UNC5C: variants seen among roughly 807,000 people sequenced by gnomAD.
UNC5C encodes unc-5 netrin receptor C, also known as netrin receptor UNC5C.
UNC5C carries 47 observed loss-of-function variants against 99.8 expected under a neutral mutation model. The ratio of observed to expected loss-of-function variants is 0.47; its 90% confidence interval spans 0.37 to 0.60. The LOEUF is 0.60. Among genes scored for constraint, UNC5C ranks in the 20% least tolerant of loss-of-function variants. The pLI, the probability that UNC5C is intolerant of heterozygous loss-of-function variation, is 0.00. For synonymous variants in UNC5C, 487 were observed against 452.2 expected, an observed-to-expected ratio of 1.08 and a Z score of -0.98; for missense variants, 1,062 against 1,165.9, an observed-to-expected ratio of 0.91 and a Z score of 1.30.
intron 14 of UNC5C, among the ~76,000 whole-genome samples, chr4:95,176,116 G>A (rs532653604): frequency 1.6e-3 from 237 of 150,808 alleles, no homozygotes; most frequent in African/African-American, 5.6e-3. Context: ...GCACTTCTCT[G>A]TATTGGTTAT....
intron 4 of UNC5C, among the ~76,000 whole-genome samples, chr4:95,269,636 C>T (rs766187064): frequency 6.6e-6 from 1 of 151,974 alleles, no homozygotes; most frequent in South Asian, 2.1e-4. Flanking sequence ...AGTTCTGGGT[C>T]TGAGATTCTA....
chr4:95,201,828 T>G (rs1457216440), intron 12 of UNC5C, among the ~76,000 whole-genome samples: 1 of 152,068 alleles, frequency 6.6e-6, no homozygotes, highest in Non-Finnish European at 1.5e-5. Context: ...ATGGTCTTGA[T>G]CTCCTGACCT....
chr4:95,180,165 TC>T (rs1194970921), intron 14 of UNC5C, among the ~76,000 whole-genome samples: 1 of 152,140 alleles, frequency 6.6e-6, no homozygotes, highest in African/African-American at 2.4e-5. Flanking sequence ...CCCATTTAAT[TC>T]CCACACTGGC....
intron 7 of UNC5C, among the ~76,000 whole-genome samples, chr4:95,240,483 A>T (rs1204103483): frequency 6.6e-6 from 1 of 152,188 alleles, no homozygotes; most frequent in Non-Finnish European, 1.5e-5. Flanking sequence ...AGGAGGGCAG[A>T]TGAAAGAGTT....
At position 95,169,101 on chromosome 4, in the gene UNC5C, T is replaced by A. The variant is rs566277690; in HGVS notation, c.*133A>T. 5.2e-6 allele frequency: 6 copies of A among 1,145,338 alleles called. No individual in the cohort carries two copies. The East Asian group carries it at 1.4e-4, about 27-fold the overall frequency. 70.9% of individuals were successfully genotyped at this position (1,145,338 alleles called of 1,614,324 possible). A position where few individuals can be genotyped will look rare whatever the true frequency, so the allele number is the denominator to read the frequency against. ...CATGGGCAGTTGTATCTGTTTTCCT[T>A]CTGGCTCCTGCTGCAGTCTTGCCTG... On this transcript the variant is annotated 3_prime_UTR_variant, in exon 16 of 16. Transcript: ENST00000453304.
chr4:95,395,173 G>A (rs930504044), intron 1 of UNC5C, among the ~76,000 whole-genome samples: 1 of 152,160 alleles, frequency 6.6e-6, no homozygotes, highest in Non-Finnish European at 1.5e-5. Context: ...GATAGTATTA[G>A]TTTGAGCTCC....
chr4:95,482,337 GT>G (rs1224699368), intron 1 of UNC5C, among the ~76,000 whole-genome samples: 1 of 151,906 alleles, frequency 6.6e-6, no homozygotes, highest in East Asian at 1.9e-4. Context: ...TAGAATGGCA[GT>G]CATTAAAAAG....
chr4:95,402,965 T>C (rs998283794), intron 1 of UNC5C, among the ~76,000 whole-genome samples: 1 of 152,228 alleles, frequency 6.6e-6, no homozygotes. Context: ...GAGATACTAT[T>C]TCTTTAAAAA....
chr4:95,210,372 A>G (rs1461974700), intron 10 of UNC5C, among the ~76,000 whole-genome samples: 1 of 152,222 alleles, frequency 6.6e-6, no homozygotes, highest in East Asian at 1.9e-4. Flanking sequence ...GAAATTGCAA[A>G]TATCTGAGCA....
At chr4:95,176,176 C>T (rs1235145907) in intron 14 of UNC5C, among the ~76,000 whole-genome samples, 1 of 151,932 alleles carries the variant, frequency 6.6e-6, no homozygotes, top group East Asian at 1.9e-4. Context: ...AACTTCTTTG[C>T]CTTTGGTTTG....
At chr4:95,537,154 C>T (rs1487959259) in intron 1 of UNC5C, among the ~76,000 whole-genome samples, 1 of 151,900 alleles carries the variant, frequency 6.6e-6, no homozygotes, top group Admixed American at 6.6e-5. Context: ...GAAATATGGA[C>T]TTAATTTTAA....
chr4:95,496,011 T>C (rs1721621718), intron 1 of UNC5C, among the ~76,000 whole-genome samples: 1 of 151,772 alleles, frequency 6.6e-6, no homozygotes, highest in African/African-American at 2.4e-5. Context: ...TTACATACGT[T>C]ATCCTATCTA....
chr4:95,480,118 T>G (rs1721089533), intron 1 of UNC5C, among the ~76,000 whole-genome samples: 1 of 151,520 alleles, frequency 6.6e-6, no homozygotes, highest in Non-Finnish European at 1.5e-5. Flanking sequence ...TTACTGGAAA[T>G]TTTGGGACTT....
chr4:95,363,740 C>T lies in UNC5C; in HGVS notation c.125-28109G>A, dbSNP rs532441572. Reference sequence around the variant, plus strand: ...AGAGTTTCATGCAGATGCCGCTTTTCACTGGTGAAATAACAGCTACAGTAC... The same window carrying T: ...AGAGTTTCATGCAGATGCCGCTTTTTACTGGTGAAATAACAGCTACAGTAC... On this transcript the variant is annotated intron_variant, in intron 1 of 15. Transcript: ENST00000453304. 2.0e-5 allele frequency among the ~76,000 whole-genome samples: 3 copies of T among 152,244 alleles called. No homozygotes were observed. In the South Asian group the frequency reaches 6.2e-4, roughly 32 times the overall value.
chr4:95,185,847 G>A (rs563150482), intron 12 of UNC5C, among the ~76,000 whole-genome samples: 1 of 152,032 alleles, frequency 6.6e-6, no homozygotes, highest in Non-Finnish European at 1.5e-5. Flanking sequence ...ATACAGATTA[G>A]GAAGGTTTTT....
chr4:95,396,599 T>A (rs1484249187), intron 1 of UNC5C, among the ~76,000 whole-genome samples: 2 of 152,072 alleles, frequency 1.3e-5, no homozygotes, highest in African/African-American at 4.8e-5. Context: ...AGTCCACCAC[T>A]GGAGTGAAAA....
chr4:95,255,908 C>T (rs1446020029), intron 4 of UNC5C, among the ~76,000 whole-genome samples: 4 of 152,018 alleles, frequency 2.6e-5, no homozygotes, highest in African/African-American at 7.2e-5. Context: ...CCACTGAGCC[C>T]GCTCTAATCT....
At chr4:95,518,774 A>C (rs1722278544) in intron 1 of UNC5C, among the ~76,000 whole-genome samples, 1 of 152,220 alleles carries the variant, frequency 6.6e-6, no homozygotes, top group South Asian at 2.1e-4. Context: ...TAAAACATTA[A>C]CATCTCTTTG....
At chr4:95,206,902 CTTT>C (rs35063112) in intron 10 of UNC5C, 106 bp from the exon 11 acceptor site, 1,061 of 508,834 alleles carry the variant, frequency 2.1e-3, no homozygotes, top group South Asian at 3.2e-3. Flanking sequence ...TCCTGGAATT[CTTT>C]TTTTTTTTTT....
Sources: gnomAD v4.1 joint callset for allele counts (sites outside exome capture counted in the v4.1 genomes callset) on GRCh38, gnomAD v4.1.1 for gene constraint, MANE v1.5 for transcripts, NCBI Gene and HGNC (gene_info 2026-07-23, HGNC 2026-07-21) for gene names.